The following TSPAN9 variants were observed in gnomAD, a reference collection of about 807,000 sequenced individuals.
TSPAN9 encodes tetraspanin 9.
TSPAN9 carries 16 observed loss-of-function variants against 31.0 expected under a neutral mutation model. That is an observed-to-expected ratio of 0.52 (90% CI 0.35 to 0.78). The LOEUF is 0.78. Ranked by LOEUF, TSPAN9 falls within the 30% of genes least tolerant of loss-of-function variation. The pLI, the probability that TSPAN9 is intolerant of heterozygous loss-of-function variation, is 0.01. For missense variants in TSPAN9, 272 were observed against 312.5 expected, an observed-to-expected ratio of 0.87 and a Z score of 0.98; for synonymous variants, 145 against 121.6, an observed-to-expected ratio of 1.19 and a Z score of -1.27.
intron 2 of TSPAN9, among the ~76,000 whole-genome samples, chr12:3,167,138 C>G (rs1173555615): frequency 1.3e-5 from 2 of 152,076 alleles, no homozygotes; most frequent in African/African-American, 4.8e-5. Context: ...ATACAGCTTG[C>G]GTTCTTTTGT....
chr12:3,242,759 C>T (rs768647323), intron 3 of TSPAN9, among the ~76,000 whole-genome samples: 11 of 152,210 alleles, frequency 7.2e-5, no homozygotes, highest in Admixed American at 2.6e-4. Context: ...GAGCCTTGGA[C>T]GCATTGCCCC....
rs1211861570 is a variant in TSPAN9 at position 3,110,130 on chromosome 12, C to A, written c.-18+26411C>A. On this transcript the variant is annotated intron_variant, in intron 2 of 8. Coordinates refer to ENST00000011898, the MANE Select transcript of TSPAN9 (RefSeq NM_006675.5). ...ACCTCAGCACAAGACCGGGAGTGGG[C>A]TTTTTCTGTGGAGGGGGTAAAGCAG... Among the ~76,000 whole-genome samples the A allele has an allele frequency of 9.2e-5, 14 of 151,948 alleles. No homozygotes were observed. The East Asian group carries it at 1.7e-3, about 19-fold the overall frequency.
At chr12:3,148,915 T>C (rs1340456505) in intron 2 of TSPAN9, among the ~76,000 whole-genome samples, 11 of 152,116 alleles carry the variant, frequency 7.2e-5, no homozygotes, top group Admixed American at 6.5e-4. Context: ...CTCTCGGGCG[T>C]GCCTGGCCGA....
chr12:3,093,164 G>A (rs941127009), intron 2 of TSPAN9, among the ~76,000 whole-genome samples: 4 of 152,228 alleles, frequency 2.6e-5, no homozygotes, highest in Admixed American at 1.3e-4. Context: ...AGGCCAAGAA[G>A]GGAAGCCACA....
At chr12:3,132,973 C>A (rs952934937) in intron 2 of TSPAN9, among the ~76,000 whole-genome samples, 3 of 152,116 alleles carry the variant, frequency 2.0e-5, no homozygotes, top group Non-Finnish European at 1.5e-5. Flanking sequence ...TCTCGAGAGG[C>A]GTTGTAAGAG....
intron 2 of TSPAN9, among the ~76,000 whole-genome samples, chr12:3,141,196 G>C (rs1340170535): frequency 6.6e-6 from 1 of 152,070 alleles, no homozygotes; most frequent in Non-Finnish European, 1.5e-5. Flanking sequence ...TCAGGAGGAA[G>C]TCTAAAGGAA....
rs577340427 is a variant in TSPAN9 at position 3,155,606 on chromosome 12, A to AT, written c.-17-45571_-17-45570insT. On this transcript the variant is annotated intron_variant, in intron 2 of 8. Coordinates refer to ENST00000011898, the MANE Select transcript of TSPAN9 (RefSeq NM_006675.5). The stretch of plus-strand genomic sequence containing the variant: ...AAGACCCTGTCTCTTTAAAAAAAAA[A>AT]AAATAAAGAGGGAGCGAGAGCAAGA... 5.6e-3 allele frequency among the ~76,000 whole-genome samples: 829 copies of AT among 148,806 alleles called. 3 individuals carry two copies. The highest frequency in any genetic ancestry group is 8.4e-3 in the Non-Finnish European group (555 of 65,748).
At chr12:3,148,544 G>A (rs1031787531) in intron 2 of TSPAN9, among the ~76,000 whole-genome samples, 4 of 152,288 alleles carry the variant, frequency 2.6e-5, no homozygotes, top group Middle Eastern at 3.4e-3. Context: ...GGCAGGGAGC[G>A]TGGCCGTGGT....
chr12:3,095,589 C>T (rs1238287676), intron 2 of TSPAN9, among the ~76,000 whole-genome samples: 2 of 130,310 alleles, frequency 1.5e-5, no homozygotes, highest in Admixed American at 1.5e-4. Context: ...GGCAGAGGCG[C>T]CCCTCACCTC....
At chr12:3,282,174 A>G (rs1156402761) in intron 8 of TSPAN9, 5 of 604,174 alleles carry the variant, frequency 8.3e-6, no homozygotes, top group East Asian at 2.8e-5. Context: ...GCCTGTGCAC[A>G]TGGCACACTC....
intron 2 of TSPAN9, among the ~76,000 whole-genome samples, chr12:3,145,462 C>T (rs923119862): frequency 3.3e-5 from 5 of 152,170 alleles, no homozygotes; most frequent in African/African-American, 1.2e-4. Flanking sequence ...TGTGGATTTC[C>T]TCCTTTTTGA....
intron 2 of TSPAN9, among the ~76,000 whole-genome samples, chr12:3,094,904 G>A (rs1213943127): frequency 3.1e-5 from 4 of 128,124 alleles, no homozygotes; most frequent in Non-Finnish European, 6.5e-5. Context: ...ATAATTCTTG[G>A]GTGTTTCTCA....
At chr12:3,246,496 C>G (rs1485117033) in intron 3 of TSPAN9, among the ~76,000 whole-genome samples, 5 of 152,178 alleles carry the variant, frequency 3.3e-5, no homozygotes, top group Non-Finnish European at 7.3e-5. Context: ...AGGATGCATC[C>G]TCTTTCCCTG....
At chr12:3,182,461 TCCTA>T in intron 2 of TSPAN9, among the ~76,000 whole-genome samples, 1 of 151,194 alleles carries the variant, frequency 6.6e-6, no homozygotes, top group South Asian at 2.1e-4. Context: ...TCTTCCCTCT[TCCTA>T]CCTTTTTTTT....
At chr12:3,208,191 G>A (rs1053428872) in intron 3 of TSPAN9, among the ~76,000 whole-genome samples, 7 of 152,216 alleles carry the variant, frequency 4.6e-5, no homozygotes, top group Admixed American at 6.5e-5. Flanking sequence ...AGTATGGACC[G>A]CTTGGATGAC....
At chr12:3,244,444 G>T (rs554842027) in intron 3 of TSPAN9, among the ~76,000 whole-genome samples, 2 of 152,194 alleles carry the variant, frequency 1.3e-5, no homozygotes, top group Non-Finnish European at 2.9e-5. Context: ...TCTGCCAGCC[G>T]CAGCCCTGGA....
At chr12:3,267,227 A>G (rs549670717) in intron 3 of TSPAN9, among the ~76,000 whole-genome samples, 1 of 152,334 alleles carries the variant, frequency 6.6e-6, no homozygotes, top group Non-Finnish European at 1.5e-5. Context: ...AGAAGATGGT[A>G]TCCTTGTCCT....
At chr12:3,093,903 T>G (rs114417962) in intron 2 of TSPAN9, among the ~76,000 whole-genome samples, 2,568 of 152,356 alleles carry the variant, frequency 0.017, 76 homozygotes, top group African/African-American at 0.056. Context: ...CGCTCTGTCA[T>G]GCACGCTGAA....
chr12:3,156,634 AGC>A (rs2098342441), intron 2 of TSPAN9, among the ~76,000 whole-genome samples: 1 of 151,778 alleles, frequency 6.6e-6, no homozygotes, highest in Non-Finnish European at 1.5e-5. Flanking sequence ...CAGCCTCCCG[AGC>A]GGCTGGGATT....
Sources: allele counts gnomAD v4.1 joint callset (sites outside exome capture counted in the v4.1 genomes callset), GRCh38; gene constraint gnomAD v4.1.1; transcripts MANE v1.5; gene names NCBI Gene and HGNC (gene_info 2026-07-23, HGNC 2026-07-21).